The following MUSK variants were observed in gnomAD, a reference collection of about 807,000 sequenced individuals.
MUSK encodes the protein muscle associated receptor tyrosine kinase, also known as muscle, skeletal receptor tyrosine-protein kinase.
MUSK carries 55 observed loss-of-function variants against 88.7 expected under a neutral mutation model. The observed-to-expected ratio is 0.62, with a 90% CI of 0.50 to 0.78. MUSK has a LOEUF of 0.78. Among genes scored for constraint, MUSK ranks in the 30% least tolerant of loss-of-function variants. The pLI, the probability that MUSK is intolerant of heterozygous loss-of-function variation, is 0.00. For missense variants in MUSK, 1,015 were observed against 1,074.3 expected, an observed-to-expected ratio of 0.94 and a Z score of 0.77; for synonymous variants, 387 against 391.9, an observed-to-expected ratio of 0.99 and a Z score of 0.15.
intron 5 of MUSK, among the ~76,000 whole-genome samples, chr9:110,714,299 A>C (rs1413032051): frequency 6.6e-6 from 1 of 152,168 alleles, no homozygotes; most frequent in Non-Finnish European, 1.5e-5. Flanking sequence ...TCTTGCTCGT[A>C]CCCACTATTC....
chr9:110,739,185 A>G (rs1435193515), intron 6 of MUSK, among the ~76,000 whole-genome samples: 3 of 152,314 alleles, frequency 2.0e-5, no homozygotes, highest in Middle Eastern at 6.8e-3. Flanking sequence ...TTCATGTCTG[A>G]TGATTCATGA....
intron 5 of MUSK, among the ~76,000 whole-genome samples, chr9:110,725,033 A>G (rs1400339474): frequency 6.6e-6 from 1 of 152,068 alleles, no homozygotes; most frequent in African/African-American, 2.4e-5. Flanking sequence ...ACTTATGTAC[A>G]CATATATTAA....
At chr9:110,779,086 G>T (rs574487967) in intron 11 of MUSK, among the ~76,000 whole-genome samples, 1 of 148,848 alleles carries the variant, frequency 6.7e-6, no homozygotes, top group East Asian at 2.0e-4. Flanking sequence ...GTGTGTGTCT[G>T]TGTAAAACTC....
At chr9:110,717,511 T>G (rs570004441) in intron 5 of MUSK, among the ~76,000 whole-genome samples, 1 of 150,080 alleles carries the variant, frequency 6.7e-6, no homozygotes, top group Admixed American at 6.6e-5. Context: ...TATTTTATGG[T>G]CCATAAATAG....
intron 7 of MUSK, chr9:110,761,782 G>C (rs1225466345): frequency 4.1e-6 from 1 of 244,132 alleles, no homozygotes; most frequent in African/African-American, 2.3e-5. Flanking sequence ...CACCGTGTTA[G>C]CCAGGATGGT....
chr9:110,736,089 C>T (rs2077027462), intron 6 of MUSK, among the ~76,000 whole-genome samples: 2 of 152,054 alleles, frequency 1.3e-5, no homozygotes, highest in South Asian at 2.1e-4. Flanking sequence ...TATTGAACTA[C>T]ATAGCACAAT....
rs1433311389 is a variant in MUSK at position 110,701,690 on chromosome 9, CT to C, written c.628+4227del. 8.5e-3 allele frequency among the ~76,000 whole-genome samples: 51 copies of C among 5,984 alleles called. 15 individuals are homozygous for C. The highest frequency in any genetic ancestry group is 0.33 in the Middle Eastern group (2 of 6). The allele number at this position is 5,984 out of a possible 152,430, so 3.9% of individuals were successfully genotyped here. ...ATTTTATTTTATTTTTTTTACTTTACTTTATTTTATTTTATTTTATTTTATT... is the reference window on the plus strand; with the variant it reads ...ATTTTATTTTATTTTTTTTACTTTACTTATTTTATTTTATTTTATTTTATT... On this transcript the variant is annotated intron_variant, in intron 5 of 14. Coordinates refer to ENST00000374448, the MANE Select transcript of MUSK (RefSeq NM_005592.4).
chr9:110,755,241 C>G (rs2131899819), intron 7 of MUSK, among the ~76,000 whole-genome samples: 1 of 152,208 alleles, frequency 6.6e-6, no homozygotes, highest in African/African-American at 2.4e-5. Flanking sequence ...AAGGATGTGG[C>G]CTTCTGTCCC....
chr9:110,772,500 GAAGT>G (rs1313302224), intron 9 of MUSK, among the ~76,000 whole-genome samples: 3 of 151,562 alleles, frequency 2.0e-5, no homozygotes, highest in Non-Finnish European at 4.4e-5. Context: ...TGTTCCCATT[GAAGT>G]AAGAAAATAT....
chr9:110,731,049 A>T (rs1238655513), intron 5 of MUSK, among the ~76,000 whole-genome samples: 1 of 152,078 alleles, frequency 6.6e-6, no homozygotes, highest in Non-Finnish European at 1.5e-5. Context: ...TAACATATCC[A>T]AGTCCCTTCC....
rs924327294 is a variant in MUSK, at chr9:110,715,907, T to C, written c.629-18344T>C. On this transcript the variant is annotated intron_variant, in intron 5 of 14. Coordinates refer to ENST00000374448, the MANE Select transcript of MUSK (RefSeq NM_005592.4). ...AACACCACATGTTGTCACTTATAAG[T>C]GGGAGCTGAACGATGAGAACACATG... Among the ~76,000 whole-genome samples the C allele has an allele frequency of 5.4e-5, 8 of 149,004 alleles. 1 individual carries two copies. The highest frequency in any genetic ancestry group is 2.1e-4 in the African/African-American group (8 of 38,968).
rs151153782 is a variant in MUSK at position 110,676,087 on chromosome 9, T to C, written c.80-6587T>C. ...TTTATGAATTATAAGTTTGCCTCCA[T>C]TGCATTTTGAAAATTAACACTTCTT... On this transcript the variant is annotated intron_variant, in intron 1 of 14. Transcript: ENST00000374448. Among the ~76,000 whole-genome samples the C allele has an allele frequency of 4.4e-4, 67 of 152,150 alleles. 1 individual carries two copies. Among genetic ancestry groups the C allele is most frequent in the East Asian group, 3.1e-3 (16 of 5,186 alleles).
intron 1 of MUSK, among the ~76,000 whole-genome samples, chr9:110,678,669 T>C (rs2076062619): frequency 6.6e-6 from 1 of 152,166 alleles, no homozygotes. Flanking sequence ...AAATATTCAT[T>C]ACTGTTTAGC....
intron 3 of MUSK, among the ~76,000 whole-genome samples, chr9:110,689,709 A>ATATATTTTATATATAATAT (rs1259002278): frequency 3.6e-5 from 2 of 55,304 alleles, no homozygotes; most frequent in South Asian, 5.8e-4. Context: ...ATAAATATAT[A>ATATATTTTATATATAATAT]ACTATATATG....
chr9:110,709,645 G>T (rs147588013), intron 5 of MUSK, among the ~76,000 whole-genome samples: 14 of 152,114 alleles, frequency 9.2e-5, no homozygotes, highest in Non-Finnish European at 2.1e-4. Context: ...AGTGATTTAC[G>T]CACTTGTGCA....
intron 1 of MUSK, among the ~76,000 whole-genome samples, chr9:110,680,191 A>C (rs563150509): frequency 6.6e-6 from 1 of 152,206 alleles, no homozygotes; most frequent in Admixed American, 6.5e-5. Flanking sequence ...ATTTTTACGC[A>C]GTCATGTAAA....
chr9:110,697,577 AGTT>A, intron 5 of MUSK, 111 bp downstream of exon 5: 1 of 1,127,614 alleles, frequency 8.9e-7, no homozygotes, highest in Non-Finnish European at 1.2e-6. Context: ...CACTTCCCTC[AGTT>A]GTTCCAGATA....
intron 13 of MUSK, among the ~76,000 whole-genome samples, chr9:110,786,944 T>C (rs1478184187): frequency 1.3e-5 from 2 of 152,048 alleles, no homozygotes; most frequent in African/African-American, 4.8e-5. Flanking sequence ...ATAGTGAAAA[T>C]CTCACACAAA....
intron 6 of MUSK, among the ~76,000 whole-genome samples, chr9:110,743,978 T>G (rs2077137407): frequency 6.6e-6 from 1 of 152,072 alleles, no homozygotes; most frequent in Non-Finnish European, 1.5e-5. Context: ...TTTTTTTATT[T>G]TTTTCCCCAA....
Sources: gnomAD v4.1 joint callset for allele counts (sites outside exome capture counted in the v4.1 genomes callset) on GRCh38, gnomAD v4.1.1 for gene constraint, MANE v1.5 for transcripts, NCBI Gene and HGNC (gene_info 2026-07-23, HGNC 2026-07-21) for gene names.